Variants in NRP1 observed in about 807,000 individuals in gnomAD.
NRP1 encodes the protein neuropilin 1, also known as neuropilin-1.
A neutral mutation model predicts 106.7 loss-of-function variants in NRP1; 35 were observed. That is an observed-to-expected ratio of 0.33 (90% CI 0.25 to 0.43). The LOEUF is 0.43. Among genes scored for constraint, NRP1 ranks in the 20% least tolerant of loss-of-function variants. NRP1 has a pLI of 1.00. For missense variants in NRP1, 1,024 were observed against 1,170.4 expected (o/e 0.87, Z 1.83); for synonymous variants, 437 against 417.9 (o/e 1.05, Z -0.56).
At chr10:33,226,995 C>G (rs543303677) in intron 6 of NRP1, among the ~76,000 whole-genome samples, 1 of 152,294 alleles carries the variant, frequency 6.6e-6, no homozygotes, top group South Asian at 2.1e-4. Flanking sequence ...CCACTGCTCA[C>G]TCATATTTGT....
At chr10:33,244,897 T>G (rs1002046150) in intron 6 of NRP1, among the ~76,000 whole-genome samples, 6 of 152,226 alleles carry the variant, frequency 3.9e-5, no homozygotes, top group African/African-American at 1.4e-4. Context: ...TATCCTGTGC[T>G]TCCTTTTCTT....
chr10:33,196,412 T>C (rs1414723561), intron 12 of NRP1, among the ~76,000 whole-genome samples: 1 of 152,172 alleles, frequency 6.6e-6, no homozygotes, highest in Non-Finnish European at 1.5e-5. Flanking sequence ...CAGAAAATCT[T>C]CCTGAGGGCT....
At chr10:33,220,300 TTAAAC>T (rs1159570454) in intron 8 of NRP1, among the ~76,000 whole-genome samples, 5 of 152,156 alleles carry the variant, frequency 3.3e-5, no homozygotes, top group African/African-American at 9.6e-5. Context: ...CTAAAAATAA[TTAAAC>T]TAAAGAGGAT....
chr10:33,207,239 G>T (rs917203569), intron 10 of NRP1, among the ~76,000 whole-genome samples: 2 of 152,130 alleles, frequency 1.3e-5, no homozygotes, highest in African/African-American at 4.8e-5. Flanking sequence ...TTGTAAATGT[G>T]CTAACTGCCA....
At chr10:33,228,067 T>A (rs2132957157) in intron 6 of NRP1, among the ~76,000 whole-genome samples, 1 of 152,306 alleles carries the variant, frequency 6.6e-6, no homozygotes, top group East Asian at 1.9e-4. Flanking sequence ...ATTTTCAATT[T>A]ATTTTAATAA....
intron 10 of NRP1, among the ~76,000 whole-genome samples, chr10:33,206,565 C>G (rs1461369496): frequency 7.2e-6 from 1 of 139,608 alleles, no homozygotes; most frequent in Non-Finnish European, 1.6e-5. Context: ...TATTTGGTAG[C>G]TCAAGACACA....
rs932512741 is a variant in NRP1 at position 33,272,396 on chromosome 10, G to A, written c.249-1540C>T. Among the ~76,000 whole-genome samples, 12 of 152,030 alleles carry A rather than the reference G, an allele frequency of 7.9e-5. No individual in the cohort carries two copies. The East Asian group carries it at 1.7e-3, about 22-fold the overall frequency. The stretch of plus-strand genomic sequence containing the variant: ...AGATACTTGGCCTGCTAACACCACC[G>A]TCCCTTTGCAAAACTGTGGAAATAC... On this transcript the variant is annotated intron_variant, in intron 2 of 16. Coordinates refer to ENST00000374867, the MANE Select transcript of NRP1 (RefSeq NM_003873.7).
intron 6 of NRP1, among the ~76,000 whole-genome samples, chr10:33,234,959 A>AC (rs1840443209): frequency 1.3e-5 from 2 of 152,148 alleles, no homozygotes; most frequent in South Asian, 4.1e-4. Flanking sequence ...CAGCAAAAGA[A>AC]CAACAAGAAA....
intron 3 of NRP1, among the ~76,000 whole-genome samples, 170 bp downstream of exon 3, chr10:33,270,505 T>C (rs1843231290): frequency 6.6e-6 from 1 of 152,144 alleles, no homozygotes; most frequent in African/African-American, 2.4e-5. Context: ...TTTTGTATTT[T>C]TAGTGGAGAC....
At chr10:33,232,152 C>T (rs1840187322) in intron 6 of NRP1, among the ~76,000 whole-genome samples, 1 of 152,104 alleles carries the variant, frequency 6.6e-6, no homozygotes, top group South Asian at 2.1e-4. Context: ...CCAAGACAAG[C>T]AGCTGAAAAG....
chr10:33,295,415 T>C (rs1378112452), intron 2 of NRP1, among the ~76,000 whole-genome samples: 2 of 152,138 alleles, frequency 1.3e-5, no homozygotes, highest in African/African-American at 4.8e-5. Context: ...CATTAGAAGA[T>C]TTTCTTCCCA....
At chr10:33,307,464 T>C (rs1487076305) in intron 2 of NRP1, among the ~76,000 whole-genome samples, 2 of 152,170 alleles carry the variant, frequency 1.3e-5, no homozygotes, top group Non-Finnish European at 2.9e-5. Flanking sequence ...AATTCCTGAT[T>C]TAAAATATCA....
intron 15 of NRP1, among the ~76,000 whole-genome samples, chr10:33,183,161 T>C (rs1034778526): frequency 5.3e-5 from 8 of 151,954 alleles, no homozygotes; most frequent in Admixed American, 1.3e-4. Context: ...TGAGATCCCA[T>C]CTCTACAAAA....
chr10:33,265,614 CG>C (rs1232123604), intron 3 of NRP1, among the ~76,000 whole-genome samples: 2 of 152,304 alleles, frequency 1.3e-5, no homozygotes, highest in East Asian at 3.9e-4. Flanking sequence ...ATGCACATAT[CG>C]GCTATCCATG....
chr10:33,208,074 C>A (rs1219827845), intron 9 of NRP1, among the ~76,000 whole-genome samples: 1 of 152,150 alleles, frequency 6.6e-6, no homozygotes, highest in Non-Finnish European at 1.5e-5. Context: ...TACAGGCACC[C>A]GCCACCATGC....
intron 5 of NRP1, among the ~76,000 whole-genome samples, chr10:33,255,468 T>G (rs1169324923): frequency 6.6e-6 from 1 of 152,152 alleles, no homozygotes; most frequent in Non-Finnish European, 1.5e-5. Flanking sequence ...TTTGTTGTTG[T>G]TCTTGAGACT....
chr10:33,237,576 CTTT>C (rs36019831), intron 6 of NRP1, among the ~76,000 whole-genome samples: 112 of 99,864 alleles, frequency 1.1e-3, no homozygotes, highest in African/African-American at 3.5e-3. Flanking sequence ...TTTCCTTCTT[CTTT>C]TTTTTTTTTT....
At chr10:33,189,631 A>G (rs1337760375) in intron 13 of NRP1, among the ~76,000 whole-genome samples, 2 of 152,236 alleles carry the variant, frequency 1.3e-5, no homozygotes, top group Non-Finnish European at 2.9e-5. Context: ...AGACTTCAGG[A>G]ATCCTCTGAA....
chr10:33,292,537 T>G (rs574700958), intron 2 of NRP1, among the ~76,000 whole-genome samples: 1 of 152,312 alleles, frequency 6.6e-6, no homozygotes, highest in Admixed American at 6.5e-5. Context: ...TGTCTATGTA[T>G]AGACCACATG....
Sources: gnomAD v4.1 joint callset for allele counts (sites outside exome capture counted in the v4.1 genomes callset) on GRCh38, gnomAD v4.1.1 for gene constraint, MANE v1.5 for transcripts, NCBI Gene and HGNC (gene_info 2026-07-23, HGNC 2026-07-21) for gene names.